Variants in CMIP observed in about 807,000 individuals in gnomAD.
CMIP encodes C-Maf-inducing protein.
CMIP carries 13 observed loss-of-function variants against 97.3 expected under a neutral mutation model. That is an observed-to-expected ratio of 0.13 (90% CI 0.09 to 0.21). The LOEUF (loss-of-function observed/expected upper bound fraction) is 0.21, where lower values mean the gene tolerates loss of function less well. Among genes scored for constraint, CMIP ranks in the 10% least tolerant of loss-of-function variants. The pLI is 1.00. For synonymous variants in CMIP, 538 were observed against 436.3 expected (o/e 1.23, Z -2.91); for missense variants, 847 against 1,024.9 (o/e 0.83, Z 2.37).
chr16:81,699,225 C>T lies in CMIP; in HGVS notation c.1639-460C>T, dbSNP rs147801347. 7.5e-3 allele frequency among the ~76,000 whole-genome samples: 1,145 copies of T among 152,282 alleles called. 8 individuals are homozygous for T. Among genetic ancestry groups the T allele is most frequent in the Non-Finnish European group, 0.012 (789 of 68,034 alleles). ...GCCAAGATCGCACCACTACACACTC[C>T]AGCCTGGACAATAGAGCGAGACTCC... On this transcript the variant is annotated intron_variant, in intron 14 of 20. Transcript: ENST00000537098.
chr16:81,587,201 G>A (rs923344798), intron 1 of CMIP, among the ~76,000 whole-genome samples: 5 of 152,242 alleles, frequency 3.3e-5, no homozygotes, highest in Middle Eastern at 3.2e-3. Context: ...CCACGGGGCA[G>A]GGTCTAGGGG....
intron 3 of CMIP, chr16:81,645,551 T>C: frequency 6.5e-7 from 1 of 1,536,040 alleles, no homozygotes; most frequent in Non-Finnish European, 8.7e-7. Context: ...CTGGCATATG[T>C]GCTTGCCTCT....
chr16:81,688,752 G>A (rs1209363975), intron 10 of CMIP, among the ~76,000 whole-genome samples: 4 of 152,090 alleles, frequency 2.6e-5, no homozygotes, highest in Admixed American at 2.6e-4. Flanking sequence ...TTGATGTGCT[G>A]CACCCATTAA....
Position 81,671,955 on chromosome 16 carries a change from C to T in CMIP, c.930-11C>T, listed in dbSNP as rs1286360803. 6.5e-7 allele frequency: 1 copy of T among 1,529,722 alleles called. No homozygotes were observed. The highest frequency in any genetic ancestry group is 8.9e-7 in the Non-Finnish European group (1 of 1,119,578). 94.8% of individuals were successfully genotyped at this position (1,529,722 alleles called of 1,614,324 possible). ...GCAGGCTTCTCACCCCAGCCCTCTGCTTTTTTCCAGCATGCACGGCCCCAC... is the reference window on the plus strand; with the variant it reads ...GCAGGCTTCTCACCCCAGCCCTCTGTTTTTTTCCAGCATGCACGGCCCCAC... On this transcript the variant is annotated splice_polypyrimidine_tract_variant and intron_variant, in intron 8 of 20. Transcript: ENST00000537098.
At chr16:81,595,692 A>T (rs2091544339) in intron 1 of CMIP, among the ~76,000 whole-genome samples, 1 of 152,188 alleles carries the variant, frequency 6.6e-6, no homozygotes, top group African/African-American at 2.4e-5. Context: ...CCTAGCCCGC[A>T]TAATACTTTC....
chr16:81,520,569 G>GGGGGAGAGAGA (rs370420453), intron 1 of CMIP: 1 of 106,950 alleles, frequency 9.4e-6, no homozygotes, highest in Non-Finnish European at 1.8e-5. Context: ...GGAGGAAGGG[G>GGGGGAGAGAGA]GAGAGAGAGA....
At chr16:81,505,919 C>T (rs908434685) in intron 1 of CMIP, among the ~76,000 whole-genome samples, 9 of 152,294 alleles carry the variant, frequency 5.9e-5, no homozygotes, top group Non-Finnish European at 8.8e-5. Flanking sequence ...CACTTGAACC[C>T]GGGAGGTGGA....
At position 81,621,694 on chromosome 16, in the gene CMIP, TA is replaced by T; in HGVS notation, c.477+770del. 6.5e-6 allele frequency: 1 copy of T among 152,836 alleles called. No individual in the cohort carries two copies. The allele number at this position is 152,836 out of a possible 1,614,324, so 9.5% of individuals were successfully genotyped here. A position where few individuals can be genotyped will look rare whatever the true frequency, so the allele number is the denominator to read the frequency against. On this transcript the variant is annotated intron_variant, in intron 3 of 20. Coordinates refer to ENST00000537098, the MANE Select transcript of CMIP (RefSeq NM_198390.3). This position sits in a 1 kb window ranked among gnomAD's most constrained non-coding sequence, Gnocchi z 4.1. ...TATGGCTGGAATGACCAGTGTGTCA[TA>T]AGCTGTCATCCTTACAGTAAGCTGG...
chr16:81,684,164 G>A (rs944211635), intron 10 of CMIP, among the ~76,000 whole-genome samples: 2 of 152,200 alleles, frequency 1.3e-5, no homozygotes, highest in African/African-American at 4.8e-5. Flanking sequence ...TGGGGCCTGG[G>A]AAGGTCCCTG....
chr16:81,494,323 C>A (rs2089452980), intron 1 of CMIP, among the ~76,000 whole-genome samples: 1 of 152,188 alleles, frequency 6.6e-6, no homozygotes, highest in African/African-American at 2.4e-5. Context: ...TGTTTCCAGG[C>A]ATGTGCTGGG....
chr16:81,701,846 G>T (rs765153506), intron 16 of CMIP, 46 bp downstream of exon 16: 1 of 1,603,344 alleles, frequency 6.2e-7, no homozygotes, highest in Non-Finnish European at 8.5e-7. Context: ...CAGCAGGCCA[G>T]GGGGGGCCAG....
intron 1 of CMIP, among the ~76,000 whole-genome samples, chr16:81,587,072 A>C (rs185662723): frequency 1.3e-3 from 193 of 152,346 alleles, no homozygotes; most frequent in African/African-American, 4.6e-3. Context: ...TTTTTGATGC[A>C]GTGTGTGCAG....
At chr16:81,462,013 G>A (rs990584322) in intron 1 of CMIP, among the ~76,000 whole-genome samples, 9 of 152,100 alleles carry the variant, frequency 5.9e-5, no homozygotes, top group African/African-American at 1.7e-4. Context: ...TTTCCTTCTC[G>A]GAAACCCATG....
Position 81,652,193 on chromosome 16 carries a change from T to C in CMIP, c.478-10T>C. The C allele has an allele frequency of 1.9e-6, 3 of 1,609,534 alleles. No individual in the cohort carries two copies. The South Asian group carries it at 3.3e-5, about 18-fold the overall frequency. On this transcript the variant is annotated splice_polypyrimidine_tract_variant and intron_variant, in intron 3 of 20. Transcript: ENST00000537098. The surrounding 1 kb of genome is among the most constrained non-coding windows in gnomAD (Gnocchi z 5.2). ...TAACATGTTGCTGTCTCTTTATCTCTTTCAACCAGAAAAAGATTTACAAAT... is the reference window on the plus strand; with the variant it reads ...TAACATGTTGCTGTCTCTTTATCTCCTTCAACCAGAAAAAGATTTACAAAT...
chr16:81,651,349 C>G, intron 3 of CMIP: 1 of 849,388 alleles, frequency 1.2e-6, no homozygotes, highest in Non-Finnish European at 1.4e-6. Context: ...AGAGGCGGAA[C>G]TAACTCTGCC....
chr16:81,446,997 C>T (rs766271863), intron 1 of CMIP, among the ~76,000 whole-genome samples: 27 of 152,144 alleles, frequency 1.8e-4, no homozygotes, highest in African/African-American at 3.1e-4. Flanking sequence ...TTGCTGGTCG[C>T]GGGGAGGCGG....
In CMIP at chr16:81,584,377, G is replaced by A. The variant is rs183668613; in HGVS notation, c.301-23190G>A. 1.4e-3 allele frequency among the ~76,000 whole-genome samples: 216 copies of A among 152,340 alleles called. 6 individuals are homozygous for A. The highest frequency in any genetic ancestry group is 2.6e-4 in the Non-Finnish European group (18 of 68,042). ...TATTTGATGAATGAATAAACTGTGA[G>A]TCTGAAGCGTAGGAAGGAGACTCTT... is the stretch of plus-strand genomic sequence containing the variant. On this transcript the variant is annotated intron_variant, in intron 1 of 20. Coordinates refer to ENST00000537098, the MANE Select transcript of CMIP (RefSeq NM_198390.3).
intron 1 of CMIP, among the ~76,000 whole-genome samples, chr16:81,548,796 C>T (rs992363079): frequency 5.9e-5 from 9 of 152,176 alleles, no homozygotes; most frequent in African/African-American, 1.9e-4. Context: ...CAGTGAGCTA[C>T]GATCATGCTG....
At chr16:81,677,378 C>T (rs9972695) in intron 9 of CMIP, among the ~76,000 whole-genome samples, 3 of 152,174 alleles carry the variant, frequency 2.0e-5, no homozygotes, top group East Asian at 3.9e-4. Flanking sequence ...CAGAGACGGT[C>T]GGAATCACTG....
Sources: allele counts gnomAD v4.1 joint callset (sites outside exome capture counted in the v4.1 genomes callset), GRCh38; gene constraint gnomAD v4.1.1; non-coding constraint Gnocchi (gnomAD v3.1); transcripts MANE v1.5; gene names NCBI Gene and HGNC (gene_info 2026-07-23, HGNC 2026-07-21).